COL23A1: variants seen among roughly 807,000 people sequenced by gnomAD.
COL23A1 encodes collagen alpha-1(XXIII) chain.
Under a neutral mutation model 99.3 loss-of-function variants are expected in COL23A1, and 97 were observed. That is an observed-to-expected ratio of 0.98 (90% CI 0.83 to 1.16). The LOEUF (loss-of-function observed/expected upper bound fraction) is 1.16. COL23A1 is among the 50% of genes most tolerant of loss of function. The probability of loss-of-function intolerance (pLI) is 0.00; values close to 1 mark genes in which losing one functional copy is unlikely to be tolerated. For missense variants in COL23A1, 762 were observed against 757.4 expected (o/e 1.01, Z -0.07); for synonymous variants, 320 against 308.2 (o/e 1.04, Z -0.40).
chr5:178,371,973 A>G (rs553809005), intron 2 of COL23A1, among the ~76,000 whole-genome samples: 1 of 152,372 alleles, frequency 6.6e-6, no homozygotes, highest in South Asian at 2.1e-4. Context: ...AGTCTGCGAT[A>G]GGAAATCCAG....
At chr5:178,251,925 T>TA (rs143078456) in intron 17 of COL23A1, among the ~76,000 whole-genome samples, 38,077 of 142,732 alleles carry the variant, frequency 0.27, 5,147 homozygotes, top group South Asian at 0.39. Context: ...TTTTTTTTTT[T>TA]ATTTTGAGAC....
In COL23A1 at chr5:178,432,447, G is replaced by A. The variant is rs149131541; in HGVS notation, c.362-125528C>T. On this transcript the variant is annotated intron_variant, in intron 2 of 28. Coordinates refer to ENST00000390654, the MANE Select transcript of COL23A1 (RefSeq NM_173465.4). ...TGTGGGGACCCTGGCAGGAAATATGGGAGAAATACCCCATTTCTCTTTGCC... is the reference window on the plus strand; with the variant it reads ...TGTGGGGACCCTGGCAGGAAATATGAGAGAAATACCCCATTTCTCTTTGCC... Among the ~76,000 whole-genome samples, 863 of 152,292 alleles carry A rather than the reference G, an allele frequency of 5.7e-3. 6 individuals are homozygous for A. Among genetic ancestry groups the A allele is most frequent in the African/African-American group, 0.018 (766 of 41,536 alleles).
chr5:178,510,557 A>G (rs1759145846), intron 2 of COL23A1, among the ~76,000 whole-genome samples: 1 of 152,168 alleles, frequency 6.6e-6, no homozygotes, highest in Admixed American at 6.5e-5. Context: ...TAGGAGATAT[A>G]CCTAATGCTA....
chr5:178,439,691 C>T lies in COL23A1; in HGVS notation c.361+120991G>A, dbSNP rs1367343886. 6.6e-6 allele frequency: 1 copy of T among 152,222 alleles called. No individual in the cohort carries two copies. The highest frequency in any genetic ancestry group is 1.9e-4 in the East Asian group (1 of 5,200). The allele number at this position is 152,222 out of a possible 1,614,324, so 9.4% of individuals were successfully genotyped here. The stretch of plus-strand genomic sequence containing the variant: ...ACGTTCACCATGCAGTGCAGCAACT[C>T]CGCTCCTAGGATCTCCCCGGGAGAA... On this transcript the variant is annotated intron_variant, in intron 2 of 28. Transcript: ENST00000390654. The surrounding 1 kb of genome is among the most constrained non-coding windows in gnomAD (Gnocchi z 4.2).
At chr5:178,568,866 T>A (rs1762956560) in intron 1 of COL23A1, among the ~76,000 whole-genome samples, 1 of 152,264 alleles carries the variant, frequency 6.6e-6, no homozygotes, top group Non-Finnish European at 1.5e-5. Context: ...TTTTGGCTGT[T>A]GTGTACGGCG....
intron 2 of COL23A1, among the ~76,000 whole-genome samples, chr5:178,315,887 T>G (rs193199708): frequency 6.6e-6 from 1 of 152,234 alleles, no homozygotes; most frequent in East Asian, 1.9e-4. Flanking sequence ...ATTAGCTTGA[T>G]TCCTTTGATT....
At chr5:178,570,877 T>C (rs1329058304) in intron 1 of COL23A1, among the ~76,000 whole-genome samples, 1 of 150,526 alleles carries the variant, frequency 6.6e-6, no homozygotes, top group Non-Finnish European at 1.5e-5. Flanking sequence ...GCCACCAAGA[T>C]CTGCTGAGGA....
At chr5:178,397,188 G>A (rs1461559494) in intron 2 of COL23A1, among the ~76,000 whole-genome samples, 1 of 152,204 alleles carries the variant, frequency 6.6e-6, no homozygotes, top group Non-Finnish European at 1.5e-5. Context: ...AGGCTGGCCT[G>A]GTCATTAATT....
Position 178,256,336 on chromosome 5 carries a change from G to T in COL23A1, c.882+17C>A. 6.3e-7 allele frequency: 1 copy of T among 1,591,958 alleles called. No homozygotes were observed. The highest frequency in any genetic ancestry group is 1.8e-4 in the Middle Eastern group (1 of 5,514). On this transcript the variant is annotated intron_variant, in intron 15 of 28. Transcript: ENST00000390654. The stretch of plus-strand genomic sequence containing the variant: ...AGATCTCATCCCTGAGGCCTCGCCT[G>T]AGGGGCGGCAGCTTACCCGGGGCCC...
chr5:178,242,501 T>G, intron 25 of COL23A1, 107 bp from the exon 26 acceptor site: 1 of 1,115,756 alleles, frequency 9.0e-7, no homozygotes, highest in Non-Finnish European at 1.3e-6. Context: ...CTTTCCCCCC[T>G]GCATATTCGT....
rs1763621989 is a variant in COL23A1 at position 178,385,471 on chromosome 5, G to GT, written c.362-78553dup. On this transcript the variant is annotated intron_variant, in intron 2 of 28. Transcript: ENST00000390654. The stretch of plus-strand genomic sequence containing the variant: ...CTTTGCCCCTTATTTCTCTTAGGAC[G>GT]TGAGTGCAGCCAGGCTCCAGACTGT... Among the ~76,000 whole-genome samples, 4 of 152,306 alleles carry GT rather than the reference G, an allele frequency of 2.6e-5. No homozygotes were observed. In the South Asian group the frequency reaches 8.3e-4, roughly 32 times the overall value.
intron 2 of COL23A1, among the ~76,000 whole-genome samples, chr5:178,401,024 G>C (rs1319740499): frequency 6.6e-6 from 1 of 152,144 alleles, no homozygotes; most frequent in Non-Finnish European, 1.5e-5. Context: ...CCAGTGCCTG[G>C]TAACCTCCAC....
chr5:178,454,015 T>TA (rs1411563811), intron 2 of COL23A1, among the ~76,000 whole-genome samples: 3 of 152,054 alleles, frequency 2.0e-5, no homozygotes, highest in African/African-American at 7.2e-5. Context: ...ATCACACTCT[T>TA]AAAAAAAAGA....
intron 2 of COL23A1, among the ~76,000 whole-genome samples, chr5:178,356,836 C>T (rs999297595): frequency 4.6e-5 from 7 of 152,088 alleles, no homozygotes; most frequent in African/African-American, 1.7e-4. Context: ...CTCCGAGCCT[C>T]AGGAACCCTG....
At position 178,263,321 on chromosome 5, in the gene COL23A1, C is replaced by G. The variant is rs373473210; in HGVS notation, c.526G>C (p.Asp176His). The change falls in exon 9 of 29, where the codon GAC becomes CAC. Residue 176 changes from aspartate (D) to histidine (H), a missense_variant. Physicochemically the swap from Asp to His is moderately conservative, Grantham distance 81. Transcript: ENST00000390654. ...CCAGCAGCTCCATCTTGTCCTTGGT[C>G]TCCCTGAAAGAGATGGGGCTTGGCA... ...GAPGDFGPRG[D>H]QGQDGAAGPP... 37 of 1,590,306 alleles carry G rather than the reference C, an allele frequency of 2.3e-5. No individual in the cohort carries two copies. Among genetic ancestry groups the G allele is most frequent in the Non-Finnish European group, 3.1e-5 (36 of 1,169,584 alleles).
At chr5:178,272,328 C>T (rs1426726587) in intron 5 of COL23A1, among the ~76,000 whole-genome samples, 2 of 152,224 alleles carry the variant, frequency 1.3e-5, no homozygotes, top group Non-Finnish European at 2.9e-5. Context: ...GGAGATGGCC[C>T]ATCTGCCCAT....
rs569119776 is a variant in COL23A1 at position 178,306,983 on chromosome 5, C to G, written c.362-64G>C. 4.0e-4 allele frequency: 501 copies of G among 1,241,896 alleles called. 4 individuals carry two copies. In the African/African-American group the frequency reaches 7.1e-3, roughly 18 times the overall value. The allele number at this position is 1,241,896 out of a possible 1,614,324, so 76.9% of individuals were successfully genotyped here. ...AGCCAGTGGACTTGGCTGCGTGGGG[C>G]ATGCCCCAGCCACCCACCTGTCCGC... On this transcript the variant is annotated intron_variant, in intron 2 of 28. Coordinates refer to ENST00000390654, the MANE Select transcript of COL23A1 (RefSeq NM_173465.4). This position sits in a 1 kb window ranked among gnomAD's most constrained non-coding sequence, Gnocchi z 4.1.
At chr5:178,326,954 G>A (rs908025187) in intron 2 of COL23A1, among the ~76,000 whole-genome samples, 4 of 152,192 alleles carry the variant, frequency 2.6e-5, no homozygotes, top group Admixed American at 1.3e-4. Flanking sequence ...TCCTGACTTC[G>A]TGATCCGCCC....
At chr5:178,584,158 T>C (rs895250059) in intron 1 of COL23A1, among the ~76,000 whole-genome samples, 5 of 152,122 alleles carry the variant, frequency 3.3e-5, no homozygotes, top group African/African-American at 1.2e-4. Flanking sequence ...TACAGGCACA[T>C]GTCACCATGC....
Sources: allele counts gnomAD v4.1 joint callset (sites outside exome capture counted in the v4.1 genomes callset), GRCh38; gene constraint gnomAD v4.1.1; non-coding constraint Gnocchi (gnomAD v3.1); transcripts MANE v1.5; gene names NCBI Gene and HGNC (gene_info 2026-07-23, HGNC 2026-07-21).